The following LRMDA variants were observed in gnomAD, a reference collection of about 807,000 sequenced individuals.
LRMDA encodes leucine-rich melanocyte differentiation-associated protein.
In LRMDA, 18 loss-of-function variants were observed where a neutral mutation model predicts 29.8. The ratio of observed to expected loss-of-function variants is 0.60; its 90% CI spans 0.42 to 0.90. LRMDA has a LOEUF of 0.90. Ranked by LOEUF, LRMDA falls within the 40% of genes least tolerant of loss-of-function variation. The probability of loss-of-function intolerance (pLI) is 0.00; values close to 1 mark genes in which losing one functional copy is unlikely to be tolerated. For synonymous variants in LRMDA, 125 were observed against 109.4 expected, an observed-to-expected ratio of 1.14 and a Z score of -0.89; for missense variants, 273 against 273.9, an observed-to-expected ratio of 1.00 and a Z score of 0.02.
intron 2 of LRMDA, among the ~76,000 whole-genome samples, chr10:75,839,391 G>A (rs1844496045): frequency 1.3e-5 from 2 of 152,212 alleles, no homozygotes; most frequent in Admixed American, 6.5e-5. Context: ...CAAAGTGCAT[G>A]TGTTGTGATT....
chr10:76,145,418 G>A (rs1458992995), intron 5 of LRMDA, among the ~76,000 whole-genome samples: 2 of 152,074 alleles, frequency 1.3e-5, no homozygotes, highest in African/African-American at 4.8e-5. Flanking sequence ...TTTAGTCTTG[G>A]GAGGGTGTAT....
At chr10:76,413,870 GA>G (rs933101666) in intron 6 of LRMDA, among the ~76,000 whole-genome samples, 2 of 152,244 alleles carry the variant, frequency 1.3e-5, no homozygotes, top group Middle Eastern at 6.8e-3. Context: ...GCCTGGTAAA[GA>G]AAATTTCTAA....
At chr10:75,553,677 C>T (rs755904882) in intron 2 of LRMDA, among the ~76,000 whole-genome samples, 2 of 152,142 alleles carry the variant, frequency 1.3e-5, no homozygotes, top group African/African-American at 4.8e-5. Context: ...CAGAGGCAGA[C>T]ATATTTTGCT....
intron 2 of LRMDA, among the ~76,000 whole-genome samples, chr10:75,549,311 T>C (rs1432724268): frequency 6.6e-6 from 1 of 152,146 alleles, no homozygotes; most frequent in Non-Finnish European, 1.5e-5. Context: ...AATATTGGGA[T>C]GTTTGATCTG....
intron 5 of LRMDA, among the ~76,000 whole-genome samples, chr10:76,169,928 C>G (rs1342392703): frequency 1.3e-5 from 2 of 152,126 alleles, no homozygotes; most frequent in Non-Finnish European, 2.9e-5. Context: ...AGAGGTTTAT[C>G]CTCCCATCAC....
intron 5 of LRMDA, among the ~76,000 whole-genome samples, chr10:76,103,865 A>G (rs1306228712): frequency 1.3e-5 from 2 of 151,954 alleles, no homozygotes; most frequent in Non-Finnish European, 2.9e-5. Context: ...CCTGGCCAAG[A>G]TGATGAAACC....
chr10:76,149,728 T>A (rs569260506), intron 5 of LRMDA, among the ~76,000 whole-genome samples: 1 of 152,302 alleles, frequency 6.6e-6, no homozygotes, highest in African/African-American at 2.4e-5. Flanking sequence ...AATTACTGTT[T>A]CACTGCTATA....
At chr10:75,806,326 C>T (rs577778150) in intron 2 of LRMDA, among the ~76,000 whole-genome samples, 2 of 152,276 alleles carry the variant, frequency 1.3e-5, no homozygotes, top group South Asian at 4.1e-4. Context: ...CTGAGTGAAC[C>T]ATGGAATGCG....
At position 76,276,053 on chromosome 10, in the gene LRMDA, C is replaced by CTATCTATCTA. The variant is rs150054728; in HGVS notation, c.517-48347_517-48346insATCTATCTAT. 4.8e-3 allele frequency among the ~76,000 whole-genome samples: 679 copies of CTATCTATCTA among 140,024 alleles called. 7 individuals are homozygous for CTATCTATCTA. Among genetic ancestry groups the CTATCTATCTA allele is most frequent in the African/African-American group, 0.017 (607 of 36,060 alleles). 91.9% of individuals were successfully genotyped at this position (140,024 alleles called of 152,430 possible). A position where few individuals can be genotyped will look rare whatever the true frequency, so the allele number is the denominator to read the frequency against. On this transcript the variant is annotated intron_variant, in intron 5 of 6. Coordinates refer to ENST00000611255, the MANE Select transcript of LRMDA (RefSeq NM_001305581.2). The stretch of plus-strand genomic sequence containing the variant: ...TCTATCTATCTATCTATCTATCTAT[C>CTATCTATCTA]TCTTTCTTTCTCTCTTTCTTTCTCT...
chr10:75,635,527 G>A (rs1391854555), intron 2 of LRMDA, among the ~76,000 whole-genome samples: 1 of 152,118 alleles, frequency 6.6e-6, no homozygotes, highest in African/African-American at 2.4e-5. Flanking sequence ...TTAAAAACAT[G>A]TACCAGGAGG....
chr10:76,164,472 G>C lies in LRMDA; in HGVS notation c.516+105689G>C, dbSNP rs537287027. On this transcript the variant is annotated intron_variant, in intron 5 of 6. Coordinates refer to ENST00000611255, the MANE Select transcript of LRMDA (RefSeq NM_001305581.2). ...AAATATGGCCAGTGGCTTGTTTTTT[G>C]TTTGTTTGTTTTTACATATGAGCTA... Among the ~76,000 whole-genome samples, 9 of 152,000 alleles carry C rather than the reference G, an allele frequency of 5.9e-5. No individual in the cohort carries two copies. The South Asian group carries it at 1.9e-3, about 32-fold the overall frequency.
chr10:76,099,272 C>T (rs1188177856), intron 5 of LRMDA, among the ~76,000 whole-genome samples: 5 of 152,166 alleles, frequency 3.3e-5, no homozygotes, highest in Admixed American at 1.3e-4. Context: ...GTTAATTTGA[C>T]CTATGCCCAG....
chr10:75,568,715 T>C (rs967162550), intron 2 of LRMDA, among the ~76,000 whole-genome samples: 1 of 152,284 alleles, frequency 6.6e-6, no homozygotes, highest in Admixed American at 6.5e-5. Context: ...CCCAGCTGGG[T>C]TTCTCCCAGC....
chr10:75,944,506 A>G, intron 2 of LRMDA, among the ~76,000 whole-genome samples: 1 of 151,348 alleles, frequency 6.6e-6, no homozygotes, highest in East Asian at 1.9e-4. Flanking sequence ...TTTCTGCTCC[A>G]TTCTATTTTT....
intron 2 of LRMDA, among the ~76,000 whole-genome samples, chr10:75,580,460 A>G (rs1564806068): frequency 6.6e-6 from 1 of 152,228 alleles, no homozygotes; most frequent in Non-Finnish European, 1.5e-5. Context: ...CATGGATAGG[A>G]AGAATCAATA....
chr10:75,787,451 G>A (rs956283913), intron 2 of LRMDA, among the ~76,000 whole-genome samples: 4 of 152,148 alleles, frequency 2.6e-5, no homozygotes, highest in Non-Finnish European at 5.9e-5. Flanking sequence ...CTTTTTGGCA[G>A]TTGGTGAACT....
At chr10:76,139,132 A>C (rs1850151898) in intron 5 of LRMDA, among the ~76,000 whole-genome samples, 1 of 152,190 alleles carries the variant, frequency 6.6e-6, no homozygotes. Context: ...ACAGACAGAG[A>C]ACATTAGACT....
In LRMDA at chr10:76,414,050, A is replaced by C. The variant is rs1167825383; in HGVS notation, c.601+89565A>C. On this transcript the variant is annotated intron_variant, in intron 6 of 6. Transcript: ENST00000611255. ...GTAGACTTCAAACCCAGGCAGAATG[A>C]CCTAAGCCCAAGCTTTCAAGCACTA... is the stretch of plus-strand genomic sequence containing the variant. Among the ~76,000 whole-genome samples the C allele has an allele frequency of 2.0e-5, 3 of 152,300 alleles. No individual in the cohort carries two copies. The East Asian group carries it at 5.8e-4, about 29-fold the overall frequency.
chr10:75,779,178 A>G lies in LRMDA; in HGVS notation c.132-256830A>G, dbSNP rs1843348561. 2.0e-5 allele frequency among the ~76,000 whole-genome samples: 3 copies of G among 152,228 alleles called. No individual in the cohort carries two copies. The South Asian group carries it at 6.2e-4, about 32-fold the overall frequency. On this transcript the variant is annotated intron_variant, in intron 2 of 6. Transcript: ENST00000611255. ...GACTCTAAAATCTTGTGCTCTTTTC[A>G]CTTCTGTAAGAAAGGGACACTAGCT...
Sources: gnomAD v4.1 joint callset for allele counts (sites outside exome capture counted in the v4.1 genomes callset) on GRCh38, gnomAD v4.1.1 for gene constraint, MANE v1.5 for transcripts, NCBI Gene and HGNC (gene_info 2026-07-23, HGNC 2026-07-21) for gene names.